The following LPCAT1 variants were observed in gnomAD, a reference collection of about 807,000 sequenced individuals.
LPCAT1 encodes the protein 1-acylglycerol-3-phosphate O-acyltransferase.
LPCAT1 carries 23 observed loss-of-function variants against 60.9 expected under a neutral mutation model. That is an observed-to-expected ratio of 0.38 (90% confidence interval 0.27 to 0.53). LPCAT1 has a LOEUF of 0.53. Ranked by LOEUF, LPCAT1 falls within the 20% of genes least tolerant of loss-of-function variation. LPCAT1 has a pLI of 0.82. For synonymous variants in LPCAT1, 340 were observed against 301.1 expected, an observed-to-expected ratio of 1.13 and a Z score of -1.34; for missense variants, 622 against 723.6, an observed-to-expected ratio of 0.86 and a Z score of 1.61.
chr5:1,517,460 G>A (rs1452857146), intron 1 of LPCAT1, among the ~76,000 whole-genome samples: 2 of 152,188 alleles, frequency 1.3e-5, no homozygotes, highest in Admixed American at 1.3e-4. Context: ...GTGAGACGGA[G>A]TGGGACAGGG....
rs1326895552 is a variant in LPCAT1 at position 1,474,086 on chromosome 5, T to C, written c.1050A>G (p.Lys350=). ...CTCTTTCTGAGTATCTGTCCAGATC[T>C]TTTTCAAGCTTTTCTGGTTTTAGCC... ...GLGLKPEKLE[K]DLDRYSERAR... Residue 350 remains lysine (K), a synonymous_variant, in exon 11 of 14, where the codon AAA becomes AAG. Coordinates refer to ENST00000283415, the MANE Select transcript of LPCAT1 (RefSeq NM_024830.5). The C allele has an allele frequency of 2.5e-6, 4 of 1,612,492 alleles. No homozygotes were observed. Among genetic ancestry groups the C allele is most frequent in the Non-Finnish European group, 2.5e-6 (3 of 1,179,410 alleles).
chr5:1,468,992 G>C (rs1337026746), intron 12 of LPCAT1, among the ~76,000 whole-genome samples: 2 of 152,250 alleles, frequency 1.3e-5, no homozygotes, highest in Admixed American at 6.5e-5. Flanking sequence ...AGGAAATGAT[G>C]ACACCATGAA....
At position 1,496,052 on chromosome 5, in the gene LPCAT1, G is replaced by A. The variant is rs1276488599; in HGVS notation, c.279-1138C>T. ...TGTGCACTTCTTCACCACCTGTTCA[G>A]CTGCATATTTAAAAATGTACTTTTC... On this transcript the variant is annotated intron_variant, in intron 2 of 13. Coordinates refer to ENST00000283415, the MANE Select transcript of LPCAT1 (RefSeq NM_024830.5). The surrounding 1 kb of genome is among the most constrained non-coding windows in gnomAD (Gnocchi z 4.7). Among the ~76,000 whole-genome samples, 1 of 152,174 alleles carries A rather than the reference G, an allele frequency of 6.6e-6. No homozygotes were observed. Among genetic ancestry groups the A allele is most frequent in the Non-Finnish European group, 1.5e-5 (1 of 68,036 alleles).
chr5:1,475,580 T>A (rs1053236203), intron 9 of LPCAT1, among the ~76,000 whole-genome samples: 1 of 152,246 alleles, frequency 6.6e-6, no homozygotes, highest in African/African-American at 2.4e-5. Flanking sequence ...GAAGGATGTG[T>A]GCGCTCTGCC....
rs1394620477 is a variant in LPCAT1 at position 1,522,910 on chromosome 5, G to A, written c.135+800C>T. Among the ~76,000 whole-genome samples, 1 of 152,156 alleles carries A rather than the reference G, an allele frequency of 6.6e-6. No individual in the cohort carries two copies. The highest frequency in any genetic ancestry group is 2.4e-5 in the African/African-American group (1 of 41,444). On this transcript the variant is annotated intron_variant, in intron 1 of 13. Coordinates refer to ENST00000283415, the MANE Select transcript of LPCAT1 (RefSeq NM_024830.5). The surrounding 1 kb of genome is among the most constrained non-coding windows in gnomAD (Gnocchi z 6.8). ...CACATCCCCGGTGCAGCTTCCTGCAGCGAGCGGCCCCCTCCCCACGACGCC... is the reference window on the plus strand; with the variant it reads ...CACATCCCCGGTGCAGCTTCCTGCAACGAGCGGCCCCCTCCCCACGACGCC...
rs1295568897 is a variant in LPCAT1 at position 1,487,703 on chromosome 5, C to A, written c.667+688G>T. ...ACAGGTCTGCATGCCCCAGTATGGA[C>A]ACAGTTGATGAAAGCCACTACTTTC... On this transcript the variant is annotated intron_variant, in intron 5 of 13. Coordinates refer to ENST00000283415, the MANE Select transcript of LPCAT1 (RefSeq NM_024830.5). The surrounding 1 kb of genome is among the most constrained non-coding windows in gnomAD (Gnocchi z 6.1). Among the ~76,000 whole-genome samples, 1 of 152,046 alleles carries A rather than the reference C, an allele frequency of 6.6e-6. No individual in the cohort carries two copies. The highest frequency in any genetic ancestry group is 2.4e-5 in the African/African-American group (1 of 41,378).
intron 1 of LPCAT1, among the ~76,000 whole-genome samples, chr5:1,504,610 A>C (rs1160719555): frequency 2.7e-5 from 4 of 149,924 alleles, no homozygotes; most frequent in Non-Finnish European, 4.4e-5. Context: ...GCTACTCTGG[A>C]GGCTGAGGCA....
chr5:1,513,630 A>G (rs952490040), intron 1 of LPCAT1, among the ~76,000 whole-genome samples: 32 of 144,676 alleles, frequency 2.2e-4, no homozygotes, highest in East Asian at 6.3e-4. Flanking sequence ...CCCGTGGGGC[A>G]GGACACCCTG....
rs188635859 is a variant in LPCAT1 at position 1,461,868 on chromosome 5, C to T, written c.*1783G>A. The T allele has an allele frequency of 3.2e-4, 49 of 152,702 alleles. No homozygotes were observed. Among genetic ancestry groups the T allele is most frequent in the Admixed American group, 2.2e-3 (33 of 15,300 alleles). 9.5% of individuals were successfully genotyped at this position (152,702 alleles called of 1,614,324 possible). A position where few individuals can be genotyped will look rare whatever the true frequency, so the allele number is the denominator to read the frequency against. Reference sequence around the variant, plus strand: ...CTTCATTGGCCATTTGCAGGCTCTTCTCCTTGAAAAATGAATCTTTACGCA... The same window carrying T: ...CTTCATTGGCCATTTGCAGGCTCTTTTCCTTGAAAAATGAATCTTTACGCA... On this transcript the variant is annotated 3_prime_UTR_variant, in exon 14 of 14. Transcript: ENST00000283415.
chr5:1,492,107 C>G (rs2126558394), intron 3 of LPCAT1, among the ~76,000 whole-genome samples: 1 of 149,048 alleles, frequency 6.7e-6, no homozygotes, highest in East Asian at 2.0e-4. Flanking sequence ...AGGGAGATGT[C>G]TCTGAGCTGG....
At chr5:1,493,428 C>T (rs1735663350) in intron 3 of LPCAT1, among the ~76,000 whole-genome samples, 1 of 152,266 alleles carries the variant, frequency 6.6e-6, no homozygotes, top group South Asian at 2.1e-4. Flanking sequence ...AATGTGTCCC[C>T]CCAGATATTT....
intron 11 of LPCAT1, 49 bp from the exon 12 acceptor site, chr5:1,470,973 G>C (rs1366038577): frequency 6.5e-7 from 1 of 1,531,784 alleles, no homozygotes; most frequent in Non-Finnish European, 9.0e-7. Context: ...TTCGGCACTG[G>C]AGAAACGCCA....
At position 1,494,718 on chromosome 5, in the gene LPCAT1, C is replaced by G; in HGVS notation, c.475G>C (p.Asp159His). Reference protein sequence around the residue: ...SSIVMKAESRDIPIWGTLIQY... With the variant: ...SSIVMKAESRHIPIWGTLIQY... ...CACTCACTTCCCCAGATCGGGATGTCTCTGCTCTCTGCCTTCATCACGATG... is the reference window on the plus strand; with the variant it reads ...CACTCACTTCCCCAGATCGGGATGTGTCTGCTCTCTGCCTTCATCACGATG... Residue 159 changes from aspartate to histidine, a missense_variant, in exon 3 of 14, where the codon GAC (aspartate) becomes CAC (histidine). Transcript: ENST00000283415. The G allele has an allele frequency of 1.2e-6, 2 of 1,614,248 alleles. No homozygotes were observed. Among genetic ancestry groups the G allele is most frequent in the Non-Finnish European group, 1.7e-6 (2 of 1,180,026 alleles).
chr5:1,475,246 TGGCAAACTTA>T (rs1734854680), intron 9 of LPCAT1, among the ~76,000 whole-genome samples: 1 of 152,316 alleles, frequency 6.6e-6, no homozygotes, highest in South Asian at 2.1e-4. Flanking sequence ...AAGTTCCCCT[TGGCAAACTTA>T]GGCATCATCA....
rs1458990712 is a variant in LPCAT1 at position 1,502,270 on chromosome 5, G to A, written c.136-667C>T. ...ACCCCCAGGCAGCTCCGCCCCCCAG[G>A]ACACACCCCCAGCCCCGCAGGCCTC... On this transcript the variant is annotated intron_variant, in intron 1 of 13. Transcript: ENST00000283415. This position sits in a 1 kb window ranked among gnomAD's most constrained non-coding sequence, Gnocchi z 5.5. 6.6e-6 allele frequency among the ~76,000 whole-genome samples: 1 copy of A among 152,056 alleles called. No homozygotes were observed. The highest frequency in any genetic ancestry group is 1.9e-4 in the East Asian group (1 of 5,190).
chr5:1,488,568 G>T, intron 4 of LPCAT1, 117 bp from the exon 5 acceptor site: 2 of 672,516 alleles, frequency 3.0e-6, no homozygotes, highest in Non-Finnish European at 2.6e-6. Flanking sequence ...TTTGGACACT[G>T]GGATCATATT....
chr5:1,488,862 G>A lies in LPCAT1; in HGVS notation c.607-411C>T, dbSNP rs376781852. Among the ~76,000 whole-genome samples, 3 of 152,160 alleles carry A rather than the reference G, an allele frequency of 2.0e-5. No homozygotes were observed. In the East Asian group the frequency reaches 5.8e-4, roughly 29 times the overall value. On this transcript the variant is annotated intron_variant, in intron 4 of 13. Coordinates refer to ENST00000283415, the MANE Select transcript of LPCAT1 (RefSeq NM_024830.5). Reference sequence around the variant, plus strand: ...GGAGAGCAAAGACCCACAAATGGCAGTGCCTGGCTGATGGAGCCGAAGGAG... The same window carrying A: ...GGAGAGCAAAGACCCACAAATGGCAATGCCTGGCTGATGGAGCCGAAGGAG...
rs1350121813 is a variant in LPCAT1, at chr5:1,523,263, C to T, written c.135+447G>A. Among the ~76,000 whole-genome samples, 1 of 151,956 alleles carries T rather than the reference C, an allele frequency of 6.6e-6. No homozygotes were observed. Among genetic ancestry groups the T allele is most frequent in the African/African-American group, 2.4e-5 (1 of 41,420 alleles). On this transcript the variant is annotated intron_variant, in intron 1 of 13. Coordinates refer to ENST00000283415, the MANE Select transcript of LPCAT1 (RefSeq NM_024830.5). The surrounding 1 kb of genome is among the most constrained non-coding windows in gnomAD (Gnocchi z 7.1). ...CCAGGCAAAGCCGCTCCGGAGTCCCCGGGCTGCGCGCAGGGCCTGCCAAGG... is the reference window on the plus strand; with the variant it reads ...CCAGGCAAAGCCGCTCCGGAGTCCCTGGGCTGCGCGCAGGGCCTGCCAAGG...
intron 1 of LPCAT1, among the ~76,000 whole-genome samples, chr5:1,504,512 T>C (rs1736122406): frequency 6.6e-6 from 1 of 152,038 alleles, no homozygotes. Context: ...CGGTCGGGAG[T>C]TCGAGACCAG....
Sources: allele counts gnomAD v4.1 joint callset (sites outside exome capture counted in the v4.1 genomes callset), GRCh38; gene constraint gnomAD v4.1.1; non-coding constraint Gnocchi (gnomAD v3.1); transcripts MANE v1.5; gene names NCBI Gene and HGNC (gene_info 2026-07-23, HGNC 2026-07-21).